Variants in CCDC73 observed in about 807,000 individuals in gnomAD.
CCDC73 encodes the protein coiled-coil domain-containing protein 73.
CCDC73 carries 95 observed loss-of-function variants against 116.5 expected under a neutral mutation model. That is an observed-to-expected ratio of 0.82 (90% CI 0.69 to 0.97). CCDC73 has a LOEUF of 0.97. Among genes scored for constraint, CCDC73 ranks in the 50% least tolerant of loss-of-function variants. The pLI is 0.00. For synonymous variants in CCDC73, 398 were observed against 401.3 expected, an observed-to-expected ratio of 0.99 and a Z score of 0.10; for missense variants, 1,066 against 1,206.8, an observed-to-expected ratio of 0.88 and a Z score of 1.73.
chr11:32,753,458 C>T (rs952904630), intron 2 of CCDC73, among the ~76,000 whole-genome samples: 2 of 151,744 alleles, frequency 1.3e-5, no homozygotes, highest in Admixed American at 1.3e-4. Context: ...CCACACCCAG[C>T]TAAAATTTTG....
At chr11:32,775,892 C>A (rs1850528560) in intron 1 of CCDC73, among the ~76,000 whole-genome samples, 1 of 152,170 alleles carries the variant, frequency 6.6e-6, no homozygotes, top group African/African-American at 2.4e-5. Flanking sequence ...TACTCACTTG[C>A]ATTTTTTCAC....
chr11:32,665,948 G>A (rs1362452756), intron 9 of CCDC73, among the ~76,000 whole-genome samples: 1 of 152,134 alleles, frequency 6.6e-6, no homozygotes, highest in Non-Finnish European at 1.5e-5. Context: ...GAAATTCTGG[G>A]TTGAAAATTA....
chr11:32,828,263 C>T, the CCDC73 span, among the ~76,000 whole-genome samples: 3 of 152,060 alleles, frequency 2.0e-5, no homozygotes, highest in Admixed American at 2.0e-4. Flanking sequence ...AATCCCAGCA[C>T]TTTGGGAGGC....
At chr11:32,719,517 A>T (rs935354274) in intron 2 of CCDC73, among the ~76,000 whole-genome samples, 2 of 152,198 alleles carry the variant, frequency 1.3e-5, no homozygotes, top group African/African-American at 4.8e-5. Flanking sequence ...CTAGAAAGTG[A>T]GAAGAGTCTG....
intron 3 of CCDC73, among the ~76,000 whole-genome samples, chr11:32,706,775 C>T (rs1352655989): frequency 1.3e-5 from 2 of 152,154 alleles, no homozygotes; most frequent in Non-Finnish European, 2.9e-5. Flanking sequence ...AACTGCCAAC[C>T]TCGGTTCCCC....
intron 11 of CCDC73, among the ~76,000 whole-genome samples, chr11:32,653,635 G>C (rs1437606036): frequency 2.0e-5 from 3 of 152,056 alleles, no homozygotes; most frequent in Non-Finnish European, 4.4e-5. Flanking sequence ...AGAGAAAACA[G>C]AAACAGGAGG....
intron 12 of CCDC73, among the ~76,000 whole-genome samples, chr11:32,642,924 T>C (rs1393744731): frequency 6.6e-6 from 1 of 151,870 alleles, no homozygotes; most frequent in South Asian, 2.1e-4. Context: ...AAGTAACCAC[T>C]GTAGCAGTTT....
In CCDC73 at chr11:32,654,859, T is replaced by C; in HGVS notation, c.759A>G (p.Gln253=). The change falls in exon 10 of 18, where the codon CAA becomes CAG. Residue 253 remains glutamine (Q), a synonymous_variant. Transcript: ENST00000335185. ...TIKEQKFQEL[Q]ERLNMELELN... Reference sequence around the variant, plus strand: ...AATAAAATACCATGTTGAGTCTTTCTTGAAGTTCTTGAAATTTTTGTTCTT... The same window carrying C: ...AATAAAATACCATGTTGAGTCTTTCCTGAAGTTCTTGAAATTTTTGTTCTT... 2 of 1,556,078 alleles carry C rather than the reference T, an allele frequency of 1.3e-6. No individual in the cohort carries two copies. Among genetic ancestry groups the C allele is most frequent in the Non-Finnish European group, 1.7e-6 (2 of 1,143,106 alleles).
chr11:32,721,490 C>G (rs889680349), intron 2 of CCDC73, among the ~76,000 whole-genome samples: 2 of 152,006 alleles, frequency 1.3e-5, no homozygotes, highest in African/African-American at 4.8e-5. Flanking sequence ...TTCAGTTTTG[C>G]TGTATGTTTG....
At chr11:32,765,500 C>T (rs1195630042) in intron 1 of CCDC73, among the ~76,000 whole-genome samples, 2 of 152,184 alleles carry the variant, frequency 1.3e-5, no homozygotes, top group Non-Finnish European at 2.9e-5. Flanking sequence ...GAACAACCTG[C>T]TCCTGAATGA....
chr11:32,784,449 G>A (rs1241477314), intron 1 of CCDC73, among the ~76,000 whole-genome samples: 1 of 152,182 alleles, frequency 6.6e-6, no homozygotes, highest in Non-Finnish European at 1.5e-5. Flanking sequence ...TTATTACTCT[G>A]CTGATATAAT....
rs774840343 is a variant in CCDC73 at position 32,749,878 on chromosome 11, T to C, written c.135+10231A>G. On this transcript the variant is annotated intron_variant, in intron 2 of 17. Coordinates refer to ENST00000335185, the MANE Select transcript of CCDC73 (RefSeq NM_001008391.4). ...CTCTCCTCTTACTTTTTTTTTTTTC[T>C]TTTTTTTTTTGAGACGGAGTCTTGC... is the stretch of plus-strand genomic sequence containing the variant. Among the ~76,000 whole-genome samples, 176 of 68,740 alleles carry C rather than the reference T, an allele frequency of 2.6e-3. 2 individuals carry two copies. In the East Asian group the frequency reaches 0.026, roughly 10 times the overall value. 45.1% of individuals were successfully genotyped at this position (68,740 alleles called of 152,430 possible).
intron 2 of CCDC73, among the ~76,000 whole-genome samples, chr11:32,749,744 G>A (rs1013718172): frequency 1.3e-5 from 2 of 152,048 alleles, no homozygotes; most frequent in African/African-American, 4.8e-5. Context: ...GCACTAGGGG[G>A]CACCACAAGC....
chr11:32,740,105 C>A (rs1466320213), intron 2 of CCDC73, among the ~76,000 whole-genome samples: 1 of 151,872 alleles, frequency 6.6e-6, no homozygotes, highest in Non-Finnish European at 1.5e-5. Flanking sequence ...ATTTTTGTAT[C>A]AATGTTCATC....
the CCDC73 span, among the ~76,000 whole-genome samples, chr11:32,802,376 ATGT>A: frequency 6.6e-6 from 1 of 152,254 alleles, no homozygotes; most frequent in Non-Finnish European, 1.5e-5. Context: ...TGAATCAAAA[ATGT>A]TGTCATCATC....
At position 32,718,147 on chromosome 11, in the gene CCDC73, C is replaced by T; in HGVS notation, c.136G>A (p.Glu46Lys). 1 of 1,591,876 alleles carries T rather than the reference C, an allele frequency of 6.3e-7. No homozygotes were observed. The highest frequency in any genetic ancestry group is 8.5e-7 in the Non-Finnish European group (1 of 1,170,654). ...TGCTCTTCATAATGAATTTCTGCTT[C>T]CTAAGTCAAAAAGAAAAAGAAAAGT... ...EALEELRMRR[E>K]AEIHYEEQIG... Residue 46 changes from glutamate (E) to lysine (K), a missense_variant and splice_region_variant, in exon 3 of 18, where the codon GAA becomes AAA. Glu to Lys is a moderately conservative substitution (Grantham distance 56). Coordinates refer to ENST00000335185, the MANE Select transcript of CCDC73 (RefSeq NM_001008391.4).
intron 15 of CCDC73, among the ~76,000 whole-genome samples, chr11:32,615,450 T>C (rs900179096): frequency 6.6e-6 from 1 of 152,200 alleles, no homozygotes; most frequent in African/African-American, 2.4e-5. Flanking sequence ...AATTCTTGAA[T>C]AGTTTTGGAC....
intron 10 of CCDC73, among the ~76,000 whole-genome samples, 153 bp from the exon 11 acceptor site, chr11:32,654,190 T>G (rs1855851208): frequency 1.3e-5 from 2 of 152,226 alleles, no homozygotes; most frequent in Admixed American, 1.3e-4. Flanking sequence ...TATGTTTGTT[T>G]TGAGACTGTG....
At chr11:32,726,505 T>A (rs1423966609) in intron 2 of CCDC73, among the ~76,000 whole-genome samples, 1 of 151,946 alleles carries the variant, frequency 6.6e-6, no homozygotes, top group South Asian at 2.1e-4. Context: ...GACTGAAACA[T>A]GGAGAGAAAA....
Sources: allele counts gnomAD v4.1 joint callset (sites outside exome capture counted in the v4.1 genomes callset), GRCh38; gene constraint gnomAD v4.1.1; transcripts MANE v1.5; gene names NCBI Gene and HGNC (gene_info 2026-07-23, HGNC 2026-07-21).